Variants in DOT1L observed in about 807,000 individuals in gnomAD.
DOT1L encodes the protein histone-lysine N-methyltransferase, H3 lysine-79 specific.
In DOT1L, 33 loss-of-function variants were observed where a neutral mutation model predicts 153.3. That is an observed-to-expected ratio of 0.22 (90% CI 0.16 to 0.29). The LOEUF (loss-of-function observed/expected upper bound fraction) is 0.29, where lower values mean the gene tolerates loss of function less well. Ranked by LOEUF, DOT1L falls within the 10% of genes least tolerant of loss-of-function variation. The probability of loss-of-function intolerance (pLI) is 1.00; values close to 1 mark genes in which losing one functional copy is unlikely to be tolerated. For synonymous variants in DOT1L, 1,135 were observed against 965.1 expected (o/e 1.18, Z -3.26); for missense variants, 1,847 against 2,119.9 (o/e 0.87, Z 2.53).
chr19:2,169,541 T>C (rs2020049709), intron 1 of DOT1L, among the ~76,000 whole-genome samples: 1 of 152,106 alleles, frequency 6.6e-6, no homozygotes, highest in Admixed American at 6.6e-5. Context: ...TCTCCCAGGC[T>C]GGAGTGCAGT....
At chr19:2,212,034 C>T (rs568741452) in intron 16 of DOT1L, 192 bp downstream of exon 16, 31 of 574,342 alleles carry the variant, frequency 5.4e-5, no homozygotes, top group East Asian at 2.1e-4. Context: ...CGGAAAACAG[C>T]GAAAATGAGA....
chr19:2,227,303 T>G, intron 27 of DOT1L, 176 bp downstream of exon 27: 1 of 837,986 alleles, frequency 1.2e-6, no homozygotes, highest in Non-Finnish European at 2.1e-6. Context: ...GGGAGAGGGC[T>G]CACGCTGAGT....
At position 2,222,894 on chromosome 19, in the gene DOT1L, C is replaced by CAAA; in HGVS notation, c.3390+342_3390+344dup. 1 of 368,924 alleles carries CAAA rather than the reference C, an allele frequency of 2.7e-6. No individual in the cohort carries two copies. 22.9% of individuals were successfully genotyped at this position (368,924 alleles called of 1,614,324 possible). ...CCTCTCGGGGGGACAAAAAAAAACACAAAAAAAAACAGGTGGAGGCAGGGG... is the reference window on the plus strand; with the variant it reads ...CCTCTCGGGGGGACAAAAAAAAACACAAAAAAAAAAAACAGGTGGAGGCAGGGG... On this transcript the variant is annotated intron_variant, in intron 24 of 27. Coordinates refer to ENST00000398665, the MANE Select transcript of DOT1L (RefSeq NM_032482.3). This position sits in a 1 kb window ranked among gnomAD's most constrained non-coding sequence, Gnocchi z 6.5.
Position 2,230,035 on chromosome 19 carries a change from T to C in DOT1L, c.*243T>C. 1.5e-6 allele frequency: 1 copy of C among 657,098 alleles called. No homozygotes were observed. The highest frequency in any genetic ancestry group is 2.5e-6 in the Non-Finnish European group (1 of 394,468). The allele number at this position is 657,098 out of a possible 1,614,324, so 40.7% of individuals were successfully genotyped here. On this transcript the variant is annotated 3_prime_UTR_variant, in exon 28 of 28. Coordinates refer to ENST00000398665, the MANE Select transcript of DOT1L (RefSeq NM_032482.3). ...AAAAGTATAAACAATTCTGACTTAT[T>C]TTATTCCATCTAAGTGGTAAAAGGC...
In DOT1L at chr19:2,224,794, C is replaced by T. The variant is rs114079655; in HGVS notation, c.3597-594C>T. On this transcript the variant is annotated intron_variant, in intron 25 of 27. Coordinates refer to ENST00000398665, the MANE Select transcript of DOT1L (RefSeq NM_032482.3). ...GTGTTCTGTGTTAGTTCGTTCTGCT[C>T]CTTGCCCACGTGTGCGTGCACGTGT... is the stretch of plus-strand genomic sequence containing the variant. Among the ~76,000 whole-genome samples, 916 of 152,334 alleles carry T rather than the reference C, an allele frequency of 6.0e-3. 17 individuals are homozygous for T. The highest frequency in any genetic ancestry group is 0.021 in the African/African-American group (873 of 41,566).
chr19:2,175,694 GTGGC>G (rs918731805), intron 1 of DOT1L, among the ~76,000 whole-genome samples: 1 of 152,114 alleles, frequency 6.6e-6, no homozygotes, highest in African/African-American at 2.4e-5. Flanking sequence ...GCCAGGCGTG[GTGGC>G]TGACGCCTAT....
At chr19:2,225,475 C>T (rs374229911) in intron 26 of DOT1L, 23 bp downstream of exon 26, 42 of 1,613,086 alleles carry the variant, frequency 2.6e-5, no homozygotes, top group Non-Finnish European at 3.3e-5. Context: ...TGTTTTGCGG[C>T]GTGGCCAGGC....
Position 2,230,144 on chromosome 19 carries a change from G to C in DOT1L, c.*352G>C. 1 of 511,536 alleles carries C rather than the reference G, an allele frequency of 2.0e-6. No individual in the cohort carries two copies. Among genetic ancestry groups the C allele is most frequent in the South Asian group, 3.1e-5 (1 of 32,580 alleles). The allele number at this position is 511,536 out of a possible 1,614,324, so 31.7% of individuals were successfully genotyped here. On this transcript the variant is annotated 3_prime_UTR_variant, in exon 28 of 28. Coordinates refer to ENST00000398665, the MANE Select transcript of DOT1L (RefSeq NM_032482.3). The stretch of plus-strand genomic sequence containing the variant: ...GCAGGGCGGGCCCGCCAGCGGATTC[G>C]CCACAGCCTGCCCCGGTGCTATCTC...
chr19:2,230,899 C>G lies in DOT1L; in HGVS notation c.*1107C>G, dbSNP rs1355840574. 9.8e-6 allele frequency: 3 copies of G among 304,902 alleles called. No individual in the cohort carries two copies. The highest frequency in any genetic ancestry group is 1.8e-5 in the Non-Finnish European group (3 of 166,896). The allele number at this position is 304,902 out of a possible 1,614,324, so 18.9% of individuals were successfully genotyped here. Reference sequence around the variant, plus strand: ...CTTCCTGTCAGGGCCACGCCTGGCACCCATCCCTTGGAGCCTGTGCTGGTT... The same window carrying G: ...CTTCCTGTCAGGGCCACGCCTGGCAGCCATCCCTTGGAGCCTGTGCTGGTT... On this transcript the variant is annotated 3_prime_UTR_variant, in exon 28 of 28. Coordinates refer to ENST00000398665, the MANE Select transcript of DOT1L (RefSeq NM_032482.3).
At chr19:2,216,200 CG>C (rs2144864535) in intron 19 of DOT1L, 80 bp from the exon 20 acceptor site, 1 of 1,489,218 alleles carries the variant, frequency 6.7e-7, no homozygotes, top group East Asian at 2.3e-5. Context: ...GCCACCCCTC[CG>C]GGTGTCCATC....
At chr19:2,178,381 A>AC (rs936090320) in intron 1 of DOT1L, among the ~76,000 whole-genome samples, 4 of 150,670 alleles carry the variant, frequency 2.7e-5, no homozygotes, top group African/African-American at 7.3e-5. Flanking sequence ...AAAAAAAAAA[A>AC]ACAAAAAATC....
chr19:2,184,456 C>T (rs1039569618), intron 2 of DOT1L, among the ~76,000 whole-genome samples: 6 of 151,792 alleles, frequency 4.0e-5, no homozygotes, highest in East Asian at 1.9e-4. Flanking sequence ...GGGGACTTGG[C>T]GTGGGGTAGG....
chr19:2,170,617 C>A (rs1568325513), intron 1 of DOT1L, among the ~76,000 whole-genome samples: 1 of 152,190 alleles, frequency 6.6e-6, no homozygotes, highest in Non-Finnish European at 1.5e-5. Flanking sequence ...AAGACTCCCC[C>A]ACTTTCCATG....
rs925630318 is a variant in DOT1L, at chr19:2,230,536, T to C, written c.*744T>C. 4 of 398,600 alleles carry C rather than the reference T, an allele frequency of 1.0e-5. No homozygotes were observed. The highest frequency in any genetic ancestry group is 6.2e-5 in the African/African-American group (3 of 48,648). 24.7% of individuals were successfully genotyped at this position (398,600 alleles called of 1,614,324 possible). On this transcript the variant is annotated 3_prime_UTR_variant, in exon 28 of 28. Coordinates refer to ENST00000398665, the MANE Select transcript of DOT1L (RefSeq NM_032482.3). Reference sequence around the variant, plus strand: ...GCACGTTGAACAAGTGCATTTACTTTTGTATTTCTCGGCTGTCCATGGCTC... The same window carrying C: ...GCACGTTGAACAAGTGCATTTACTTCTGTATTTCTCGGCTGTCCATGGCTC...
chr19:2,194,873 T>C (rs2022951867), intron 7 of DOT1L, among the ~76,000 whole-genome samples: 2 of 152,190 alleles, frequency 1.3e-5, no homozygotes, highest in Non-Finnish European at 2.9e-5. Flanking sequence ...AGCGGAGGCC[T>C]GTGGGACAGG....
At chr19:2,186,516 A>G (rs1407025927) in intron 3 of DOT1L, among the ~76,000 whole-genome samples, 3 of 152,130 alleles carry the variant, frequency 2.0e-5, no homozygotes, top group African/African-American at 4.8e-5. Flanking sequence ...AAATCAACAG[A>G]GTAGTCCTCC....
intron 8 of DOT1L, 85 bp downstream of exon 8, chr19:2,200,024 C>G: frequency 6.6e-7 from 1 of 1,520,612 alleles, no homozygotes; most frequent in South Asian, 1.2e-5. Context: ...CCGGGAGCGG[C>G]CCCTCGCTCC....
intron 1 of DOT1L, among the ~76,000 whole-genome samples, chr19:2,173,772 C>T (rs976448914): frequency 1.3e-5 from 2 of 152,174 alleles, no homozygotes; most frequent in African/African-American, 4.8e-5. Flanking sequence ...TTGCGAGTGC[C>T]TCACTACGCA....
At chr19:2,202,894 C>T in intron 9 of DOT1L, 115 bp downstream of exon 9, 6 of 955,680 alleles carry the variant, frequency 6.3e-6, no homozygotes, top group South Asian at 2.8e-5. Context: ...TCTTCAGTCC[C>T]CTTGGAGCCA....
Sources: allele counts gnomAD v4.1 joint callset (sites outside exome capture counted in the v4.1 genomes callset), GRCh38; gene constraint gnomAD v4.1.1; non-coding constraint Gnocchi (gnomAD v3.1); transcripts MANE v1.5; gene names NCBI Gene and HGNC (gene_info 2026-07-23, HGNC 2026-07-21).